EGFR: variants seen among roughly 807,000 people sequenced by gnomAD.
The protein encoded by EGFR is epidermal growth factor receptor.
In EGFR, 58 loss-of-function variants were observed where a neutral mutation model predicts 143.0. The observed-to-expected ratio is 0.41, with a 90% CI of 0.33 to 0.50. The LOEUF is 0.50. EGFR is among the 20% of genes least tolerant of loss of function. The pLI, the probability that EGFR is intolerant of heterozygous loss-of-function variation, is 0.39. For missense variants in EGFR, 1,307 were observed against 1,579.0 expected, an observed-to-expected ratio of 0.83 and a Z score of 2.92; for synonymous variants, 613 against 594.4, an observed-to-expected ratio of 1.03 and a Z score of -0.45.
At chr7:55,051,502 G>T (rs1030537650) in intron 1 of EGFR, among the ~76,000 whole-genome samples, 1 of 136,746 alleles carries the variant, frequency 7.3e-6, no homozygotes, top group African/African-American at 2.5e-5. Flanking sequence ...GCCTTCTGCC[G>T]TGGGGTGACA....
intron 3 of EGFR, 130 bp from the exon 4 acceptor site, chr7:55,146,476 C>A: frequency 1.4e-6 from 2 of 1,451,176 alleles, no homozygotes; most frequent in Non-Finnish European, 1.9e-6. Context: ...GTTCACTGGG[C>A]TAATTGCGGG....
chr7:55,019,286 C>T lies in EGFR; in HGVS notation c.9C>T (p.Pro3=). ...CTCTTCGGGGAGCAGCGATGCGACCCTCCGGGACGGCCGGGGCAGCGCTCC... is the reference window on the plus strand; with the variant it reads ...CTCTTCGGGGAGCAGCGATGCGACCTTCCGGGACGGCCGGGGCAGCGCTCC... MR[P]SGTAGAALLA... The change falls in exon 1 of 28, where the codon CCC becomes CCT. Residue 3 remains proline (P), a synonymous_variant. Coordinates refer to ENST00000275493, the MANE Select transcript of EGFR (RefSeq NM_005228.5). 2 of 1,506,678 alleles carry T rather than the reference C, an allele frequency of 1.3e-6. No homozygotes were observed. Among genetic ancestry groups the T allele is most frequent in the Non-Finnish European group, 1.8e-6 (2 of 1,122,676 alleles). 93.3% of individuals were successfully genotyped at this position (1,506,678 alleles called of 1,614,324 possible). A position where few individuals can be genotyped will look rare whatever the true frequency, so the allele number is the denominator to read the frequency against.
At chr7:55,185,561 A>G (rs1787095955) in intron 20 of EGFR, among the ~76,000 whole-genome samples, 1 of 152,230 alleles carries the variant, frequency 6.6e-6, no homozygotes, top group Non-Finnish European at 1.5e-5. Flanking sequence ...CCTGCCATTC[A>G]GACTGCAACT....
rs1262473349 is a variant in EGFR, at chr7:55,211,420, C to CAA, written c.*5804_*5805dup. The CAA allele has an allele frequency of 6.6e-6, 1 of 152,170 alleles. No homozygotes were observed. The highest frequency in any genetic ancestry group is 1.5e-5 in the Non-Finnish European group (1 of 68,022). 9.4% of individuals were successfully genotyped at this position (152,170 alleles called of 1,614,324 possible). A position where few individuals can be genotyped will look rare whatever the true frequency, so the allele number is the denominator to read the frequency against. ...CATTCAAGCAATAGCTTTATAGCTT[C>CAA]AACATATGGTACGTTTTAACCTTGA... is the stretch of plus-strand genomic sequence containing the variant. On this transcript the variant is annotated 3_prime_UTR_variant, in exon 28 of 28. Coordinates refer to ENST00000275493, the MANE Select transcript of EGFR (RefSeq NM_005228.5).
chr7:55,078,228 G>A (rs996087145), intron 1 of EGFR, among the ~76,000 whole-genome samples: 2 of 152,018 alleles, frequency 1.3e-5, no homozygotes, highest in Non-Finnish European at 2.9e-5. Flanking sequence ...CCCTGTCCAT[G>A]GGACAGGCCC....
At chr7:55,178,146 T>C (rs1417006223) in intron 19 of EGFR, among the ~76,000 whole-genome samples, 1 of 152,170 alleles carries the variant, frequency 6.6e-6, no homozygotes, top group Non-Finnish European at 1.5e-5. Flanking sequence ...GGTTTGCAGA[T>C]TTTTCTTCCC....
At chr7:55,126,648 T>A (rs1482079518) in intron 1 of EGFR, among the ~76,000 whole-genome samples, 1 of 152,238 alleles carries the variant, frequency 6.6e-6, no homozygotes, top group Non-Finnish European at 1.5e-5. Flanking sequence ...TCTGATTAAC[T>A]GCTTTCCTAG....
rs1466419404 is a variant in EGFR, at chr7:55,057,078, C to T, written c.88+37713C>T. Among the ~76,000 whole-genome samples the T allele has an allele frequency of 2.0e-5, 3 of 152,308 alleles. No homozygotes were observed. The East Asian group carries it at 5.8e-4, about 29-fold the overall frequency. On this transcript the variant is annotated intron_variant, in intron 1 of 27. Transcript: ENST00000275493. ...GTGGTGCGACTGCCATCCTCTGGTA[C>T]TGAAGGTGCTATCATGGAGGGAGGG...
At chr7:55,099,832 A>C (rs1791696446) in intron 1 of EGFR, among the ~76,000 whole-genome samples, 2 of 152,220 alleles carry the variant, frequency 1.3e-5, no homozygotes, top group East Asian at 1.9e-4. Flanking sequence ...AATTAAAAAA[A>C]AAAAAAGAAA....
chr7:55,050,638 G>T (rs1287660153), intron 1 of EGFR, among the ~76,000 whole-genome samples: 1 of 152,120 alleles, frequency 6.6e-6, no homozygotes, highest in East Asian at 1.9e-4. Flanking sequence ...CCAGCAGTGG[G>T]ATAAAGGCCA....
At position 55,181,445 on chromosome 7, in the gene EGFR, G is replaced by C. The variant is rs2128958808; in HGVS notation, c.2436G>C (p.Gln812His). Residue 812 changes from glutamine (Q) to histidine (H), a missense_variant, in exon 20 of 28, where the codon CAG becomes CAC. Transcript: ENST00000275493. ...VREHKDNIGS[Q>H]YLLNWCVQIA... The stretch of plus-strand genomic sequence containing the variant: ...AACACAAAGACAATATTGGCTCCCA[G>C]TACCTGCTCAACTGGTGTGTGCAGA... 2 of 1,614,248 alleles carry C rather than the reference G, an allele frequency of 1.2e-6. No individual in the cohort carries two copies. Among genetic ancestry groups the C allele is most frequent in the Admixed American group, 1.7e-5 (1 of 60,034 alleles).
At chr7:55,164,070 C>T (rs548773731) in intron 14 of EGFR, among the ~76,000 whole-genome samples, 1 of 152,340 alleles carries the variant, frequency 6.6e-6, no homozygotes, top group South Asian at 2.1e-4. Flanking sequence ...CTTATCAAAT[C>T]CTCACATTTA....
intron 1 of EGFR, among the ~76,000 whole-genome samples, chr7:55,102,166 C>T (rs2128902102): frequency 6.6e-6 from 1 of 152,260 alleles, no homozygotes; most frequent in South Asian, 2.1e-4. Flanking sequence ...CCACTCATCA[C>T]CACCTTCCCT....
At chr7:55,113,098 CA>C (rs1792615643) in intron 1 of EGFR, among the ~76,000 whole-genome samples, 1 of 152,184 alleles carries the variant, frequency 6.6e-6, no homozygotes, top group African/African-American at 2.4e-5. Context: ...GGCTGTCTGC[CA>C]GGGGAGCAGC....
At chr7:55,113,089 G>C (rs568050813) in intron 1 of EGFR, among the ~76,000 whole-genome samples, 6 of 152,326 alleles carry the variant, frequency 3.9e-5, no homozygotes, top group African/African-American at 1.4e-4. Flanking sequence ...GCACCGACAG[G>C]CTGTCTGCCA....
At chr7:55,047,094 A>G (rs1284599142) in intron 1 of EGFR, among the ~76,000 whole-genome samples, 1 of 152,240 alleles carries the variant, frequency 6.6e-6, no homozygotes, top group Non-Finnish European at 1.5e-5. Context: ...CCATTCCAAC[A>G]AAGCTGTAAA....
chr7:55,202,815 G>C (rs991765396), intron 27 of EGFR, 190 bp downstream of exon 27: 1 of 703,472 alleles, frequency 1.4e-6, no homozygotes, highest in African/African-American at 1.7e-5. Context: ...CAAGCTCTTT[G>C]TTGTGTCTGG....
At chr7:55,088,099 T>TA (rs1413853813) in intron 1 of EGFR, among the ~76,000 whole-genome samples, 1 of 152,086 alleles carries the variant, frequency 6.6e-6, no homozygotes, top group African/African-American at 2.4e-5. Context: ...CTTTGGCATC[T>TA]ACCACACCTG....
At chr7:55,124,796 C>T (rs1489224157) in intron 1 of EGFR, among the ~76,000 whole-genome samples, 1 of 152,222 alleles carries the variant, frequency 6.6e-6, no homozygotes, top group Non-Finnish European at 1.5e-5. Context: ...CTCCAGTGCT[C>T]CTACTACCAT....
Sources: gnomAD v4.1 joint callset for allele counts (sites outside exome capture counted in the v4.1 genomes callset) on GRCh38, gnomAD v4.1.1 for gene constraint, MANE v1.5 for transcripts, NCBI Gene and HGNC (gene_info 2026-07-23, HGNC 2026-07-21) for gene names.